PUDP: variants seen among roughly 807,000 people sequenced by gnomAD.
The protein encoded by PUDP is pseudouridine 5'-phosphatase.
In PUDP, 8 loss-of-function variants were observed where a neutral mutation model predicts 9.4. That is an observed-to-expected ratio of 0.85 (90% CI 0.50 to 1.53). PUDP has a LOEUF of 1.53. PUDP is among the 40% of genes most tolerant of loss of function. The pLI, the probability that PUDP is intolerant of heterozygous loss-of-function variation, is 0.00. For synonymous variants in PUDP, 99 were observed against 80.7 expected (o/e 1.23, Z -1.22); for missense variants, 188 against 189.7 (o/e 0.99, Z 0.05).
chrX:7,001,243 G>T (rs1474685575), intron 1 of PUDP, among the ~76,000 whole-genome samples: 1 of 110,488 alleles, frequency 9.1e-6, no homozygotes, highest in Non-Finnish European at 1.9e-5. Flanking sequence ...AATAAAATTT[G>T]TTCAAAAACA....
chrX:6,727,390 A>C (rs982746779), intron 3 of PUDP, among the ~76,000 whole-genome samples: 3 of 112,198 alleles, frequency 2.7e-5, no homozygotes, highest in Non-Finnish European at 3.8e-5. Context: ...TTAAAATATA[A>C]ATTTATAAAT....
chrX:6,798,355 C>G (rs1197210742), intron 3 of PUDP, among the ~76,000 whole-genome samples: 2 of 111,800 alleles, frequency 1.8e-5, no homozygotes, highest in African/African-American at 3.3e-5. Context: ...CTGGCCGCAC[C>G]CTTGACACAT....
intron 1 of PUDP, among the ~76,000 whole-genome samples, chrX:7,139,926 C>A (rs1171939888): frequency 2.7e-5 from 3 of 111,671 alleles, no homozygotes; most frequent in Non-Finnish European, 5.7e-5. Flanking sequence ...GCCAGCTGCA[C>A]CAGGGTCCTT....
chrX:6,969,692 C>T (rs1171383460), intron 3 of PUDP, among the ~76,000 whole-genome samples: 1 of 111,815 alleles, frequency 8.9e-6, no homozygotes, highest in Non-Finnish European at 1.9e-5. Flanking sequence ...GCCTGAGCAA[C>T]ATAGAAAGAT....
chrX:7,094,259 A>C (rs1186683354), intron 2 of PUDP, among the ~76,000 whole-genome samples: 1 of 112,144 alleles, frequency 8.9e-6, no homozygotes, highest in Non-Finnish European at 1.9e-5. Context: ...TGTCTTCATT[A>C]CAATTTACTA....
chrX:7,087,591 T>G (rs867547749), intron 2 of PUDP, among the ~76,000 whole-genome samples: 5 of 112,585 alleles, frequency 4.4e-5, no homozygotes, highest in Non-Finnish European at 9.4e-5. Flanking sequence ...CTTAATTATC[T>G]TTCTCAAATT....
intron 3 of PUDP, among the ~76,000 whole-genome samples, chrX:6,731,654 AATT>A (rs1924808992): frequency 9.1e-6 from 1 of 109,457 alleles, no homozygotes; most frequent in South Asian, 4.0e-4. Flanking sequence ...AGGTTCATAT[AATT>A]ATATTTCACA....
chrX:6,913,432 AC>A (rs1414937311), intron 3 of PUDP, among the ~76,000 whole-genome samples: 2 of 112,096 alleles, frequency 1.8e-5, no homozygotes, highest in Non-Finnish European at 1.9e-5. Flanking sequence ...ATGTTGAAGA[AC>A]CTTTTTTGGG....
intron 3 of PUDP, among the ~76,000 whole-genome samples, chrX:6,831,746 T>C (rs908344037): frequency 8.9e-6 from 1 of 112,164 alleles, no homozygotes; most frequent in Admixed American, 9.5e-5. Flanking sequence ...GCATTTTACC[T>C]GTAGATTTGC....
chrX:6,764,847 T>A (rs1170827568), intron 3 of PUDP, among the ~76,000 whole-genome samples: 5 of 111,666 alleles, frequency 4.5e-5, no homozygotes, highest in Non-Finnish European at 9.4e-5. Flanking sequence ...CAACTAGCAA[T>A]TAATTACAAA....
intron 3 of PUDP, among the ~76,000 whole-genome samples, chrX:6,732,576 A>T (rs1423995458): frequency 2.3e-5 from 2 of 86,530 alleles, no homozygotes; most frequent in Non-Finnish European, 2.2e-5. Flanking sequence ...AGGGAGGGAG[A>T]GAGGGAGGGA....
rs193020525 is a variant in PUDP at position 7,013,518 on chromosome X, C to T, written c.205-35175G>A. 3.6e-5 allele frequency among the ~76,000 whole-genome samples: 4 copies of T among 112,440 alleles called. No homozygotes were observed. In the Admixed American group the frequency reaches 3.7e-4, roughly 11 times the overall value. ...TCATGGGAATAAGTTGTCAGCTTTG[C>T]TGAGTGTCTCCGGTGAGCTAAAACT... On this transcript the variant is annotated intron_variant and NMD_transcript_variant, in intron 1 of 3. Transcript: ENST00000655425.
rs988903854 is a variant in PUDP, at chrX:6,898,610, C to G, written c.*247+78523G>C. ...CAAAATTATTTTTGGCTCTGTCGGCCACAGGGTCTGTGTCAAAGTATTCCA... is the reference window on the plus strand; with the variant it reads ...CAAAATTATTTTTGGCTCTGTCGGCGACAGGGTCTGTGTCAAAGTATTCCA... On this transcript the variant is annotated intron_variant and NMD_transcript_variant, in intron 3 of 3. Coordinates refer to the PUDP transcript ENST00000655425. Among the ~76,000 whole-genome samples the G allele has an allele frequency of 1.5e-4, 17 of 111,944 alleles. No homozygotes were observed. The South Asian group carries it at 6.0e-3, about 40-fold the overall frequency.
At chrX:6,777,338 C>G (rs1172735192) in intron 3 of PUDP, among the ~76,000 whole-genome samples, 1 of 111,862 alleles carries the variant, frequency 8.9e-6, no homozygotes, top group Non-Finnish European at 1.9e-5. Context: ...GAGCACAATA[C>G]AACATGTGAG....
intron 3 of PUDP, among the ~76,000 whole-genome samples, chrX:6,943,687 G>C (rs1422984863): frequency 9.0e-6 from 1 of 111,577 alleles, no homozygotes; most frequent in Non-Finnish European, 1.9e-5. Context: ...GGTGTTATCT[G>C]TACTCACAAT....
chrX:6,741,421 C>T (rs757603603), intron 3 of PUDP, among the ~76,000 whole-genome samples: 2 of 111,237 alleles, frequency 1.8e-5, no homozygotes, highest in South Asian at 3.7e-4. Flanking sequence ...TGAATTTAAT[C>T]GAAACTGATG....
intron 1 of PUDP, chrX:6,989,444 A>G: frequency 6.2e-6 from 1 of 160,762 alleles, no homozygotes; most frequent in Non-Finnish European, 1.3e-5. Context: ...CCTGACCAGC[A>G]AAGACTGATC....
At chrX:6,975,147 G>A in intron 3 of PUDP, among the ~76,000 whole-genome samples, 1 of 109,802 alleles carries the variant, frequency 9.1e-6, no homozygotes. Context: ...TCCTTCCATT[G>A]GGTTAGATCA....
chrX:6,802,147 G>A lies in PUDP; in HGVS notation c.*248-95681C>T, dbSNP rs745566581. On this transcript the variant is annotated intron_variant and NMD_transcript_variant, in intron 3 of 3. Transcript: ENST00000655425. The stretch of plus-strand genomic sequence containing the variant: ...TCATAGGCTTAATTTTACAAAGCTC[G>A]ATTGCTTCTACTATCTGACTTGAGC... 8.1e-5 allele frequency among the ~76,000 whole-genome samples: 9 copies of A among 111,772 alleles called. No individual in the cohort carries two copies. The East Asian group carries it at 1.4e-3, about 18-fold the overall frequency.
Sources: allele counts gnomAD v4.1 joint callset (sites outside exome capture counted in the v4.1 genomes callset), GRCh38; gene constraint gnomAD v4.1.1; transcripts MANE v1.5; gene names NCBI Gene and HGNC (gene_info 2026-07-23, HGNC 2026-07-21).